MYH7B: variants seen among roughly 807,000 people sequenced by gnomAD.
The protein encoded by MYH7B is myosin-7B.
MYH7B carries 205 observed loss-of-function variants against 234.5 expected under a neutral mutation model. The ratio of observed to expected loss-of-function variants is 0.87; its 90% CI spans 0.78 to 0.98. The LOEUF is 0.98. Ranked by LOEUF, MYH7B falls within the 50% of genes least tolerant of loss-of-function variation. MYH7B has a pLI of 0.00. For missense variants in MYH7B, 2,652 were observed against 2,633.4 expected (o/e 1.01, Z -0.15); for synonymous variants, 1,193 against 1,105.0 (o/e 1.08, Z -1.58).
At position 34,996,395 on chromosome 20, in the gene MYH7B, G is replaced by A. The variant is rs778547408; in HGVS notation, c.2993G>A (p.Arg998Gln). 1.3e-5 allele frequency: 21 copies of A among 1,611,352 alleles called. No homozygotes were observed. In the East Asian group the frequency reaches 3.8e-4, roughly 29 times the overall value. ...GCTGCGCTGGACGAGTCAGTGGCCC[G>A]GCTGACCAAGGAGAAGAAGGCGTTG... The change falls in exon 29 of 45, where the codon CGG becomes CAG. Residue 998 changes from arginine to glutamine, a missense_variant. Coordinates refer to ENST00000262873, the Ensembl canonical transcript of MYH7B.
In MYH7B at chr20:34,999,907, G is replaced by A. The variant is rs759729981; in HGVS notation, c.4781+1G>A. 7 of 1,612,842 alleles carry A rather than the reference G, an allele frequency of 4.3e-6. No homozygotes were observed. In the East Asian group the frequency reaches 1.1e-4, roughly 26 times the overall value. ...AAGACGAGGAGTGCGCTAACCTGAGGTGTGTCCATCCTTCTCCCGTCCCCA... is the reference window on the plus strand; with the variant it reads ...AAGACGAGGAGTGCGCTAACCTGAGATGTGTCCATCCTTCTCCCGTCCCCA... On this transcript the variant is annotated splice_donor_variant, in intron 38 of 44. Coordinates refer to ENST00000262873, the Ensembl canonical transcript of MYH7B. LOFTEE classifies it high-confidence loss of function.
exon 45 of MYH7B, chr20:35,002,306 C>A: frequency 8.4e-7 from 1 of 1,197,068 alleles, no homozygotes; most frequent in Non-Finnish European, 1.1e-6. Flanking sequence ...CTTCCCTGGG[C>A]CCTGAATAAA....
chr20:34,984,952 T>C lies in MYH7B; in HGVS notation c.741+6T>C. On this transcript the variant is annotated splice_donor_region_variant and intron_variant, in intron 12 of 44. Coordinates refer to ENST00000262873, the Ensembl canonical transcript of MYH7B. ...ATGATAACTCCTCCCGCTTTGTGAG[T>C]GGCTGAGGTGGGAGGGGTGGCGGGG... is the stretch of plus-strand genomic sequence containing the variant. The C allele has an allele frequency of 6.2e-7, 1 of 1,612,652 alleles. No individual in the cohort carries two copies. The highest frequency in any genetic ancestry group is 8.5e-7 in the Non-Finnish European group (1 of 1,178,746).
At chr20:34,976,053 A>G (rs2081850615) in intron 3 of MYH7B, among the ~76,000 whole-genome samples, 1 of 152,200 alleles carries the variant, frequency 6.6e-6, no homozygotes, top group African/African-American at 2.4e-5. Flanking sequence ...TAATATGCAC[A>G]CAGTAAAGTG....
At position 34,998,642 on chromosome 20, in the gene MYH7B, C is replaced by G. The variant is rs745353070; in HGVS notation, c.3993+13C>G. 1.1e-5 allele frequency: 17 copies of G among 1,612,816 alleles called. No individual in the cohort carries two copies. Among genetic ancestry groups the G allele is most frequent in the Non-Finnish European group, 1.4e-5 (16 of 1,179,816 alleles). ...GGAGGAAAGCAAGGTGGGCTGGCACCGGTGACCATGGAGTGGGCAGGTGGG... is the reference window on the plus strand; with the variant it reads ...GGAGGAAAGCAAGGTGGGCTGGCACGGGTGACCATGGAGTGGGCAGGTGGG... On this transcript the variant is annotated intron_variant, in intron 34 of 44. Coordinates refer to ENST00000262873, the Ensembl canonical transcript of MYH7B.
At chr20:35,002,077 G>C in exon 44 of MYH7B, 1 of 1,613,870 alleles carries the variant, frequency 6.2e-7, no homozygotes, top group Non-Finnish European at 8.5e-7. Context: ...GGACGCCCTG[G>C]GCCCCAAGGT....
intron 10 of MYH7B, among the ~76,000 whole-genome samples, 161 bp from the exon 11 acceptor site, chr20:34,984,531 G>A (rs2081985576): frequency 6.6e-6 from 1 of 152,182 alleles, no homozygotes; most frequent in Admixed American, 6.5e-5. Context: ...AACAGCTGCA[G>A]GAGGGTCAGG....
intron 5 of MYH7B, among the ~76,000 whole-genome samples, chr20:34,978,604 A>G (rs1490381691): frequency 1.3e-5 from 2 of 152,180 alleles, no homozygotes; most frequent in African/African-American, 4.8e-5. Flanking sequence ...CCCAGAGCAG[A>G]TGACTTTCCA....
At chr20:34,965,248 G>C (rs1361877171) in intron 2 of MYH7B, among the ~76,000 whole-genome samples, 1 of 152,188 alleles carries the variant, frequency 6.6e-6, no homozygotes, top group Non-Finnish European at 1.5e-5. Context: ...CAACTCTGAG[G>C]GTTTGCACAT....
exon 27 of MYH7B, chr20:34,994,356 C>G: frequency 6.2e-7 from 1 of 1,602,986 alleles, no homozygotes; most frequent in Non-Finnish European, 8.5e-7. Context: ...AGACGCACGT[C>G]AGCATCACCC....
intron 22 of MYH7B, 101 bp downstream of exon 22, chr20:34,990,411 A>G: frequency 7.9e-7 from 1 of 1,258,180 alleles, no homozygotes; most frequent in Non-Finnish European, 1.2e-6. Flanking sequence ...GCGGCTGTTA[A>G]GACTTGCAGT....
intron 19 of MYH7B, among the ~76,000 whole-genome samples, chr20:34,988,854 G>A (rs2082085985): frequency 7.2e-6 from 1 of 138,148 alleles, no homozygotes; most frequent in South Asian, 2.2e-4. Flanking sequence ...CTGTCGCCCA[G>A]GCTGGAGTAC....
chr20:34,965,174 G>A (rs1164022451), intron 2 of MYH7B, among the ~76,000 whole-genome samples: 1 of 152,168 alleles, frequency 6.6e-6, no homozygotes, highest in Admixed American at 6.5e-5. Flanking sequence ...TTACAGGCAT[G>A]AGCCACCGCA....
Position 34,990,001 on chromosome 20 carries a change from C to T in MYH7B, c.1768-13C>T. 1 of 1,614,000 alleles carries T rather than the reference C, an allele frequency of 6.2e-7. No homozygotes were observed. Among genetic ancestry groups the T allele is most frequent in the Non-Finnish European group, 8.5e-7 (1 of 1,179,928 alleles). On this transcript the variant is annotated splice_polypyrimidine_tract_variant and intron_variant, in intron 20 of 44. Coordinates refer to ENST00000262873, the Ensembl canonical transcript of MYH7B. ...TCTCCCACCCGGGCTCAGCACCTGA[C>T]TTGTCTCTCCAGGTGCCTTACAGCA...
Position 34,996,481 on chromosome 20 carries a change from C to G in MYH7B, c.3079C>G (p.Leu1027Val), listed in dbSNP as rs996899842. 9 of 1,612,624 alleles carry G rather than the reference C, an allele frequency of 5.6e-6. No individual in the cohort carries two copies. The highest frequency in any genetic ancestry group is 7.6e-6 in the Non-Finnish European group (9 of 1,179,626). Residue 1027 changes from leucine to valine, a missense_variant, in exon 29 of 45, where the codon CTG (leucine) becomes GTG (valine). Transcript: ENST00000262873. ...GGCCGAGGAGGACCGTGTGAGCGCGCTGACCAAGGCCAAGCTCCGGCTGGA... is the reference window on the plus strand; with the variant it reads ...GGCCGAGGAGGACCGTGTGAGCGCGGTGACCAAGGCCAAGCTCCGGCTGGA...
At chr20:34,998,513 G>C in exon 34 of MYH7B, 3 of 1,613,372 alleles carry the variant, frequency 1.9e-6, no homozygotes, top group Non-Finnish European at 2.5e-6. Flanking sequence ...GCCTGCAGGG[G>C]AGCTGAGTCG....
At chr20:34,993,156 G>T (rs1400987371) in exon 25 of MYH7B, 2 of 1,614,022 alleles carry the variant, frequency 1.2e-6, no homozygotes, top group Admixed American at 3.3e-5. Context: ...TGGACAGCAG[G>T]AAGGCCACAG....
chr20:34,956,895 A>AC (rs1324671288), intron 1 of MYH7B, among the ~76,000 whole-genome samples: 2 of 152,156 alleles, frequency 1.3e-5, no homozygotes, highest in Non-Finnish European at 2.9e-5. Context: ...TCTCTACTAG[A>AC]AATACAAGAA....
At chr20:35,001,331 C>G in exon 42 of MYH7B, 1 of 1,610,528 alleles carries the variant, frequency 6.2e-7, no homozygotes, top group Non-Finnish European at 8.5e-7. Context: ...AGCGCCGTGT[C>G]AAGGAGCTCG....
Sources: gnomAD v4.1 joint callset for allele counts (sites outside exome capture counted in the v4.1 genomes callset) on GRCh38, gnomAD v4.1.1 for gene constraint, MANE v1.5 for transcripts, NCBI Gene and HGNC (gene_info 2026-07-23, HGNC 2026-07-21) for gene names.